The following COL5A2 variants were observed in gnomAD, a reference collection of about 807,000 sequenced individuals.
COL5A2 encodes collagen alpha-2(V) chain.
Under a neutral mutation model 208.2 loss-of-function variants are expected in COL5A2, and 23 were observed. That is an observed-to-expected ratio of 0.11 (90% confidence interval 0.08 to 0.16). The LOEUF is 0.16. COL5A2 is among the 10% of genes least tolerant of loss of function. The pLI, the probability that COL5A2 is intolerant of heterozygous loss-of-function variation, is 1.00. For missense variants in COL5A2, 1,590 were observed against 1,956.4 expected (o/e 0.81, Z 3.53); for synonymous variants, 625 against 628.5 (o/e 0.99, Z 0.08).
chr2:189,319,751 G>A, the COL5A2 span, among the ~76,000 whole-genome samples: 255 of 152,338 alleles, frequency 1.7e-3, no homozygotes, highest in Non-Finnish European at 2.9e-3. Flanking sequence ...GGGCGTAGCC[G>A]AACAAAAGGC....
rs1686065578 is a variant in COL5A2, at chr2:189,062,870, G to A, written c.1972C>T (p.Pro658Ser). 3 of 1,613,810 alleles carry A rather than the reference G, an allele frequency of 1.9e-6. No individual in the cohort carries two copies. The highest frequency in any genetic ancestry group is 1.7e-6 in the Non-Finnish European group (2 of 1,179,976). ...CACACACAAAAATCACATACCGGCG[G>A]GCCCACAGGACCAGAAGGACCAACT... ...GEVGPSGPVG[P>S]PGLAGERGEQ... The change falls in exon 29 of 54, where the codon CCG (proline) becomes TCG (serine). Residue 658 changes from proline to serine, a missense_variant. Pro to Ser is a moderately conservative substitution (Grantham distance 74). Coordinates refer to ENST00000374866, the MANE Select transcript of COL5A2 (RefSeq NM_000393.5).
intron 1 of COL5A2, 79 bp downstream of exon 1, chr2:189,179,429 C>A: frequency 6.6e-7 from 1 of 1,511,196 alleles, no homozygotes; most frequent in Non-Finnish European, 9.1e-7. Context: ...CCTCTTCACG[C>A]TCTTCCTGAG....
chr2:189,404,787 G>C, the COL5A2 span, among the ~76,000 whole-genome samples: 36 of 152,096 alleles, frequency 2.4e-4, no homozygotes, highest in African/African-American at 8.5e-4. Flanking sequence ...AATCTTAAAG[G>C]CTAGCTAGTA....
the COL5A2 span, among the ~76,000 whole-genome samples, chr2:189,306,626 T>C: frequency 6.6e-6 from 1 of 152,230 alleles, no homozygotes; most frequent in African/African-American, 2.4e-5. Context: ...ACACAGATTC[T>C]ATTAATGTTA....
intron 51 of COL5A2, 57 bp from the exon 52 acceptor site, chr2:189,036,860 G>T: frequency 7.8e-7 from 1 of 1,284,918 alleles, no homozygotes; most frequent in Non-Finnish European, 1.1e-6. Context: ...ATGACTATAA[G>T]TCTCCAAAAG....
At chr2:189,117,486 T>C (rs900300854) in intron 1 of COL5A2, among the ~76,000 whole-genome samples, 2 of 152,130 alleles carry the variant, frequency 1.3e-5, no homozygotes, top group Admixed American at 1.3e-4. Flanking sequence ...TTCTGAATGA[T>C]GTCTACTTAA....
the COL5A2 span, among the ~76,000 whole-genome samples, chr2:189,310,036 C>A: frequency 1.3e-5 from 2 of 152,260 alleles, no homozygotes; most frequent in South Asian, 4.1e-4. Context: ...CTCTGCTTTA[C>A]AAGGCAGAAT....
Position 189,052,794 on chromosome 2 carries a change from A to G in COL5A2, c.2670T>C (p.Asn890=). Residue 890 remains asparagine, a synonymous_variant, in exon 40 of 54, where the codon AAT becomes AAC. Transcript: ENST00000374866. ...GACCACCTTTTAGTCCAGGAACACC[A>G]TTAGGACCCTGAATAGAAACAAACA... is the stretch of plus-strand genomic sequence containing the variant. ...LAGSPGPHGP[N]GVPGLKGGRG... is the part of the protein sequence containing the mutation. 1 of 1,614,194 alleles carries G rather than the reference A, an allele frequency of 6.2e-7. No homozygotes were observed. The highest frequency in any genetic ancestry group is 8.5e-7 in the Non-Finnish European group (1 of 1,180,014).
At chr2:189,392,542 T>C in the COL5A2 span, among the ~76,000 whole-genome samples, 9 of 152,150 alleles carry the variant, frequency 5.9e-5, no homozygotes, top group African/African-American at 1.7e-4. Flanking sequence ...CAAATATACT[T>C]CCACATGCAC....
the COL5A2 span, among the ~76,000 whole-genome samples, chr2:189,250,415 TA>T: frequency 1.3e-5 from 2 of 152,216 alleles, no homozygotes; most frequent in Admixed American, 1.3e-4. Context: ...CTTAGCCAAG[TA>T]ACAAAGTTTA....
chr2:189,148,489 C>T (rs907873029), intron 1 of COL5A2, among the ~76,000 whole-genome samples: 3 of 151,706 alleles, frequency 2.0e-5, no homozygotes, highest in South Asian at 2.1e-4. Context: ...AGAAAGAGTG[C>T]GATAGGCCAG....
chr2:189,079,144 C>T lies in COL5A2; in HGVS notation c.961-37G>A, dbSNP rs1686479172. 2.0e-6 allele frequency: 3 copies of T among 1,520,938 alleles called. No homozygotes were observed. The African/African-American group carries it at 4.1e-5, about 21-fold the overall frequency. 94.2% of individuals were successfully genotyped at this position (1,520,938 alleles called of 1,614,324 possible). A position where few individuals can be genotyped will look rare whatever the true frequency, so the allele number is the denominator to read the frequency against. On this transcript the variant is annotated intron_variant, in intron 14 of 53. Coordinates refer to ENST00000374866, the MANE Select transcript of COL5A2 (RefSeq NM_000393.5). Reference sequence around the variant, plus strand: ...TGAGAATACATTACAGTATGAGAAGCCTACAACCGATACATCACTTTGTTC... The same window carrying T: ...TGAGAATACATTACAGTATGAGAAGTCTACAACCGATACATCACTTTGTTC...
chr2:189,074,555 T>C (rs898835553), intron 17 of COL5A2, among the ~76,000 whole-genome samples: 2 of 152,306 alleles, frequency 1.3e-5, no homozygotes, highest in African/African-American at 4.8e-5. Flanking sequence ...AAAACTACAT[T>C]TGAAATTCAA....
At chr2:189,328,522 T>C in the COL5A2 span, among the ~76,000 whole-genome samples, 3 of 152,204 alleles carry the variant, frequency 2.0e-5, no homozygotes, top group African/African-American at 7.2e-5. Context: ...TTTTTGGACA[T>C]ACCAGTTAAT....
the COL5A2 span, among the ~76,000 whole-genome samples, chr2:189,312,319 T>C: frequency 6.6e-6 from 1 of 152,112 alleles, no homozygotes; most frequent in Non-Finnish European, 1.5e-5. Context: ...ATGTCTCCCA[T>C]TCCTGCCAGA....
At chr2:189,231,995 T>C in the COL5A2 span, among the ~76,000 whole-genome samples, 1 of 151,722 alleles carries the variant, frequency 6.6e-6, no homozygotes, top group African/African-American at 2.4e-5. Context: ...GTCTCTGTCC[T>C]GCTCCATTTG....
intron 1 of COL5A2, among the ~76,000 whole-genome samples, chr2:189,218,987 A>G (rs919690367): frequency 1.4e-4 from 21 of 152,152 alleles, no homozygotes; most frequent in African/African-American, 4.6e-4. Flanking sequence ...ATTTTGATAT[A>G]TTAGTTCATA....
chr2:189,378,727 A>C, the COL5A2 span, among the ~76,000 whole-genome samples: 1 of 96,738 alleles, frequency 1.0e-5, no homozygotes, highest in Non-Finnish European at 2.4e-5. Context: ...CCGTCTCAAC[A>C]AAAAAAAAAA....
chr2:189,076,549 A>G (rs1353638818), intron 16 of COL5A2, among the ~76,000 whole-genome samples: 1 of 152,222 alleles, frequency 6.6e-6, no homozygotes, highest in South Asian at 2.1e-4. Context: ...TAAAAGGCTG[A>G]TGGTGATAAA....
Sources: allele counts gnomAD v4.1 joint callset (sites outside exome capture counted in the v4.1 genomes callset), GRCh38; gene constraint gnomAD v4.1.1; transcripts MANE v1.5; gene names NCBI Gene and HGNC (gene_info 2026-07-23, HGNC 2026-07-21).